Variants in THSD4 observed in about 807,000 individuals in gnomAD.
THSD4 encodes thrombospondin type 1 domain containing 4, also known as thrombospondin type-1 domain-containing protein 4.
THSD4 carries 69 observed loss-of-function variants against 119.0 expected under a neutral mutation model. The ratio of observed to expected loss-of-function variants is 0.58; its 90% confidence interval spans 0.48 to 0.71. The LOEUF (loss-of-function observed/expected upper bound fraction) is 0.71. THSD4 is among the 30% of genes least tolerant of loss of function. THSD4 has a pLI of 0.00. For synonymous variants in THSD4, 524 were observed against 540.4 expected, an observed-to-expected ratio of 0.97 and a Z score of 0.42; for missense variants, 1,393 against 1,391.1, an observed-to-expected ratio of 1.00 and a Z score of -0.02.
chr15:71,458,555 C>T (rs2047371481), intron 7 of THSD4, among the ~76,000 whole-genome samples: 2 of 152,144 alleles, frequency 1.3e-5, no homozygotes, highest in African/African-American at 4.8e-5. Flanking sequence ...TCACTGACTT[C>T]CAAACACCTG....
chr15:71,617,254 C>T (rs1172219048), intron 7 of THSD4, among the ~76,000 whole-genome samples: 1 of 151,816 alleles, frequency 6.6e-6, no homozygotes, highest in African/African-American at 2.4e-5. Context: ...CAGATACAAG[C>T]CAGAAACGAA....
At chr15:71,132,488 AT>A (rs1412827983) in intron 1 of THSD4, among the ~76,000 whole-genome samples, 1 of 152,264 alleles carries the variant, frequency 6.6e-6, no homozygotes, top group Non-Finnish European at 1.5e-5. Context: ...ATGTATAAGC[AT>A]TATGCATAGA....
chr15:71,533,636 C>T (rs1198231319), intron 7 of THSD4, among the ~76,000 whole-genome samples: 1 of 152,098 alleles, frequency 6.6e-6, no homozygotes, highest in African/African-American at 2.4e-5. Context: ...AACTGGTGTT[C>T]GTTGAAAATG....
rs191568118 is a variant in THSD4, at chr15:71,565,073, C to A, written c.1153-95457C>A. On this transcript the variant is annotated intron_variant, in intron 7 of 17. Coordinates refer to ENST00000261862, the MANE Select transcript of THSD4 (RefSeq NM_024817.3). The stretch of plus-strand genomic sequence containing the variant: ...CAAAAGAACACCTTAGGTTTTTAAG[C>A]CTTTTGAATCTTGGAATCTTGAATA... Among the ~76,000 whole-genome samples, 22 of 152,246 alleles carry A rather than the reference C, an allele frequency of 1.4e-4. No homozygotes were observed. In the East Asian group the frequency reaches 4.1e-3, roughly 28 times the overall value.
At position 71,655,478 on chromosome 15, in the gene THSD4, A is replaced by G. The variant is rs554703206; in HGVS notation, c.1153-5052A>G. On this transcript the variant is annotated intron_variant, in intron 7 of 17. Transcript: ENST00000261862. ...GTTGTATGATGATGAGATTTACTTA[A>G]AAGTGAATAGACTTCAGACAAAATA... is the stretch of plus-strand genomic sequence containing the variant. Among the ~76,000 whole-genome samples the G allele has an allele frequency of 4.7e-4, 72 of 152,366 alleles. No homozygotes were observed. The Middle Eastern group carries it at 0.01, about 22-fold the overall frequency.
At chr15:71,410,216 C>T (rs1000550968) in intron 6 of THSD4, among the ~76,000 whole-genome samples, 1 of 152,136 alleles carries the variant, frequency 6.6e-6, no homozygotes, top group African/African-American at 2.4e-5. Context: ...ATTTGTTTAG[C>T]ATTTACTATG....
intron 5 of THSD4, among the ~76,000 whole-genome samples, chr15:71,253,292 G>A (rs753763359): frequency 6.6e-6 from 1 of 152,218 alleles, no homozygotes; most frequent in Non-Finnish European, 1.5e-5. Flanking sequence ...GTGTATGGAT[G>A]TAAGAGCACC....
chr15:71,689,738 G>T (rs1025885135), intron 8 of THSD4, among the ~76,000 whole-genome samples: 1 of 148,224 alleles, frequency 6.7e-6, no homozygotes, highest in Non-Finnish European at 1.5e-5. Flanking sequence ...GAGATCATGG[G>T]GATTGAGAAG....
intron 4 of THSD4, among the ~76,000 whole-genome samples, chr15:71,220,711 G>A (rs934137001): frequency 6.6e-6 from 1 of 152,168 alleles, no homozygotes; most frequent in Non-Finnish European, 1.5e-5. Flanking sequence ...CTCAAGTGCA[G>A]CAGAAGGGAT....
intron 6 of THSD4, among the ~76,000 whole-genome samples, chr15:71,403,865 C>CT: frequency 6.6e-6 from 1 of 152,290 alleles, no homozygotes; most frequent in East Asian, 1.9e-4. Context: ...GCTGCTTGCT[C>CT]TTTTTTATCT....
upstream of THSD4, chr15:71,113,780 A>G (rs1384063713): frequency 6.6e-6 from 1 of 152,254 alleles, no homozygotes; most frequent in African/African-American, 2.4e-5. Flanking sequence ...CGAATGAATG[A>G]ATAAATCAAT....
chr15:71,136,999 G>A (rs1400613816), intron 1 of THSD4, among the ~76,000 whole-genome samples: 1 of 152,184 alleles, frequency 6.6e-6, no homozygotes, highest in Non-Finnish European at 1.5e-5. Flanking sequence ...CTCCTGGTGT[G>A]TGGGGATGGC....
intron 7 of THSD4, among the ~76,000 whole-genome samples, chr15:71,553,018 T>A (rs529051701): frequency 6.6e-6 from 1 of 152,336 alleles, no homozygotes; most frequent in South Asian, 2.1e-4. Flanking sequence ...GGTTCTTCTT[T>A]ACCCTCATTC....
chr15:71,679,206 A>G (rs1429721225), intron 8 of THSD4, among the ~76,000 whole-genome samples: 1 of 152,226 alleles, frequency 6.6e-6, no homozygotes, highest in Non-Finnish European at 1.5e-5. Flanking sequence ...ACCCAGTGCT[A>G]TGGGAGTGCA....
chr15:71,478,024 G>A (rs1448061755), intron 7 of THSD4, among the ~76,000 whole-genome samples: 1 of 152,214 alleles, frequency 6.6e-6, no homozygotes, highest in African/African-American at 2.4e-5. Flanking sequence ...GCAGACCTGT[G>A]CAACTGCTTG....
chr15:71,283,123 C>G (rs1254832338), intron 6 of THSD4, among the ~76,000 whole-genome samples: 1 of 152,108 alleles, frequency 6.6e-6, no homozygotes, highest in Non-Finnish European at 1.5e-5. Context: ...GCGCGTGCCA[C>G]CACACCCGGT....
rs202138091 is a variant in THSD4 at position 71,447,120 on chromosome 15, T to G, written c.1152+35297T>G. ...GCCCTCTTCCCTCCATTTTTTTTGTTTTTTTTTTTTTTTTTTTTGGAGACA... is the reference window on the plus strand; with the variant it reads ...GCCCTCTTCCCTCCATTTTTTTTGTGTTTTTTTTTTTTTTTTTTGGAGACA... On this transcript the variant is annotated intron_variant, in intron 7 of 17. Transcript: ENST00000261862. Among the ~76,000 whole-genome samples, 23 of 133,044 alleles carry G rather than the reference T, an allele frequency of 1.7e-4. 3 individuals carry two copies. In the South Asian group the frequency reaches 3.2e-3, roughly 19 times the overall value. The allele number at this position is 133,044 out of a possible 152,430, so 87.3% of individuals were successfully genotyped here. A position where few individuals can be genotyped will look rare whatever the true frequency, so the allele number is the denominator to read the frequency against.
intron 7 of THSD4, among the ~76,000 whole-genome samples, chr15:71,430,759 GAAAAAA>G (rs397719477): frequency 2.1e-3 from 177 of 82,952 alleles, no homozygotes; most frequent in Non-Finnish European, 2.8e-3. Context: ...TCTGTCTCAA[GAAAAAA>G]AAAAAAAAAA....
At chr15:71,375,153 C>A (rs529423566) in intron 6 of THSD4, among the ~76,000 whole-genome samples, 1 of 152,304 alleles carries the variant, frequency 6.6e-6, no homozygotes, top group African/African-American at 2.4e-5. Flanking sequence ...CTGCCAGGGA[C>A]CGAGCACCAC....
Sources: gnomAD v4.1 joint callset for allele counts (sites outside exome capture counted in the v4.1 genomes callset) on GRCh38, gnomAD v4.1.1 for gene constraint, MANE v1.5 for transcripts, NCBI Gene and HGNC (gene_info 2026-07-23, HGNC 2026-07-21) for gene names.